The following PTPRS variants were observed in gnomAD, a reference collection of about 807,000 sequenced individuals.
PTPRS encodes the protein protein tyrosine phosphatase receptor type S.
A neutral mutation model predicts 215.3 loss-of-function variants in PTPRS; 63 were observed. The observed-to-expected ratio is 0.29, with a 90% CI of 0.24 to 0.36. The LOEUF (loss-of-function observed/expected upper bound fraction) is 0.36, where lower values mean the gene tolerates loss of function less well. PTPRS is among the 10% of genes least tolerant of loss of function. The pLI is 1.00. For synonymous variants in PTPRS, 1,404 were observed against 1,191.4 expected (o/e 1.18, Z -3.68); for missense variants, 2,258 against 2,825.8 (o/e 0.80, Z 4.56).
At chr19:5,310,887 TTTATTA>T (rs956304702) in intron 1 of PTPRS, among the ~76,000 whole-genome samples, 8 of 151,700 alleles carry the variant, frequency 5.3e-5, no homozygotes, top group Non-Finnish European at 1.0e-4. Context: ...TGTATTTTTA[TTTATTA>T]TTATTATTAT....
chr19:5,269,013 C>A (rs1267942374), intron 4 of PTPRS, among the ~76,000 whole-genome samples: 2 of 152,168 alleles, frequency 1.3e-5, no homozygotes, highest in Non-Finnish European at 2.9e-5. Context: ...CTGATGACAT[C>A]ATCGGAGATG....
intron 18 of PTPRS, among the ~76,000 whole-genome samples, chr19:5,222,452 G>A (rs1463134633): frequency 2.7e-5 from 4 of 148,706 alleles, no homozygotes; most frequent in Non-Finnish European, 6.0e-5. Context: ...GAAGGTGGAG[G>A]AGGAGGAAGA....
At chr19:5,315,306 A>C (rs927216409) in intron 1 of PTPRS, among the ~76,000 whole-genome samples, 7 of 142,084 alleles carry the variant, frequency 4.9e-5, no homozygotes, top group Non-Finnish European at 1.1e-4. Context: ...TGCCACTTAA[A>C]TTGGTCTGAA....
At chr19:5,273,359 G>A (rs779295939) in intron 4 of PTPRS, 83 bp downstream of exon 4, 5 of 1,596,906 alleles carry the variant, frequency 3.1e-6, no homozygotes, top group Admixed American at 1.7e-5. Context: ...AGGGTTTGGG[G>A]TAACTTTCAT....
At chr19:5,312,785 G>C (rs938299019) in intron 1 of PTPRS, among the ~76,000 whole-genome samples, 1 of 152,202 alleles carries the variant, frequency 6.6e-6, no homozygotes. Flanking sequence ...CATTGAATTC[G>C]AATTGTCTCC....
intron 9 of PTPRS, among the ~76,000 whole-genome samples, chr19:5,251,822 A>G (rs2045114522): frequency 6.6e-6 from 1 of 152,180 alleles, no homozygotes; most frequent in African/African-American, 2.4e-5. Flanking sequence ...GCCTGCCCCT[A>G]GGGTTAAGCC....
At position 5,237,651 on chromosome 19, in the gene PTPRS, G is replaced by A. The variant is rs1289743990; in HGVS notation, c.1849+1268C>T. ...TGGGGCAGGCGGGGGGGCACGCGGGGTGGGCCGTTTTTGTGAACCTGCTTG... is the reference window on the plus strand; with the variant it reads ...TGGGGCAGGCGGGGGGGCACGCGGGATGGGCCGTTTTTGTGAACCTGCTTG... On this transcript the variant is annotated intron_variant, in intron 13 of 37. Coordinates refer to ENST00000262963, the MANE Select transcript of PTPRS (RefSeq NM_002850.4). The surrounding 1 kb of genome is among the most constrained non-coding windows in gnomAD (Gnocchi z 4.2). 6.6e-6 allele frequency among the ~76,000 whole-genome samples: 1 copy of A among 152,164 alleles called. No homozygotes were observed. Among genetic ancestry groups the A allele is most frequent in the African/African-American group, 2.4e-5 (1 of 41,436 alleles).
intron 2 of PTPRS, chr19:5,277,873 A>T: frequency 1.0e-6 from 1 of 975,856 alleles, no homozygotes; most frequent in African/African-American, 1.6e-5. Context: ...CAGGGTTCGC[A>T]GAACGTTCAA....
At chr19:5,263,486 T>G (rs546964061) in intron 5 of PTPRS, among the ~76,000 whole-genome samples, 2 of 151,946 alleles carry the variant, frequency 1.3e-5, no homozygotes, top group African/African-American at 2.4e-5. Context: ...GGGGAGGTAC[T>G]GCTGCAAAGG....
At chr19:5,316,916 C>T (rs2049892400) in intron 1 of PTPRS, among the ~76,000 whole-genome samples, 1 of 152,186 alleles carries the variant, frequency 6.6e-6, no homozygotes, top group South Asian at 2.1e-4. Context: ...GGGGACCTGG[C>T]TTCTCCCACG....
Position 5,265,188 on chromosome 19 carries a change from G to C in PTPRS, c.388C>G (p.Leu130Val). The C allele has an allele frequency of 6.2e-7, 1 of 1,613,438 alleles. No individual in the cohort carries two copies. Among genetic ancestry groups the C allele is most frequent in the Admixed American group, 1.7e-5 (1 of 59,952 alleles). The stretch of plus-strand genomic sequence containing the variant: ...TCGATGTTGGGGAAGCCAGAGGGCA[G>C]CTGGTCCTCTGAGGGCAGAGACGTG... ...AKLTVLREDQ[L>V]PSGFPNIDMG... Residue 130 changes from leucine to valine, a missense_variant, in exon 5 of 38, where the codon CTG (leucine) becomes GTG (valine). Leu to Val is a conservative substitution (Grantham distance 32). This residue lies in a region of PTPRS where 508 missense variants were observed against 799.4 expected (regional missense o/e 0.64). Transcript: ENST00000262963.
At chr19:5,216,818 G>C (rs1050961588) in intron 25 of PTPRS, 51 bp from the exon 26 acceptor site, 53 of 1,281,936 alleles carry the variant, frequency 4.1e-5, no homozygotes, top group Admixed American at 1.6e-4. Flanking sequence ...GGTAGGGGGG[G>C]GTCCCACCTC....
Position 5,205,572 on chromosome 19 carries a change from G to A in PTPRS, c.*1202C>T, listed in dbSNP as rs562185218. ...ATACACGGGGGTGGGAAAACCACCC[G>A]GCTGCTTCCGCTGGAATAAACAGTG... On this transcript the variant is annotated 3_prime_UTR_variant, in exon 38 of 38. Transcript: ENST00000262963. 3.7e-4 allele frequency among the ~76,000 whole-genome samples: 57 copies of A among 152,308 alleles called. No homozygotes were observed. The highest frequency in any genetic ancestry group is 7.6e-4 in the Non-Finnish European group (52 of 68,028).
intron 2 of PTPRS, among the ~76,000 whole-genome samples, chr19:5,283,820 C>G (rs548062480): frequency 6.6e-6 from 1 of 152,270 alleles, no homozygotes; most frequent in South Asian, 2.1e-4. Flanking sequence ...CTCTTGTAAT[C>G]CCAGCACTTT....
At chr19:5,230,157 C>T (rs2042897592) in intron 14 of PTPRS, among the ~76,000 whole-genome samples, 1 of 152,216 alleles carries the variant, frequency 6.6e-6, no homozygotes, top group Non-Finnish European at 1.5e-5. Context: ...CCACTTGGCA[C>T]TCAGGATCTT....
rs1490261309 is a variant in PTPRS, at chr19:5,219,324, G to A, written c.3909C>T (p.Ile1303=). 1 of 1,614,088 alleles carries A rather than the reference G, an allele frequency of 6.2e-7. No individual in the cohort carries two copies. Among genetic ancestry groups the A allele is most frequent in the Admixed American group, 1.7e-5 (1 of 60,024 alleles). ...ATGGGGCTTACTTCTTGTAGAGCAG[G>A]ATAGCAATGACAATGCAGATTATGA... ...VVFIICIVIA[I]LLYKNKPDSK... Residue 1303 remains isoleucine, a synonymous_variant, in exon 23 of 38, where the codon ATC becomes ATT. Transcript: ENST00000262963.
chr19:5,284,538 T>C (rs964744859), intron 2 of PTPRS, among the ~76,000 whole-genome samples: 7 of 152,140 alleles, frequency 4.6e-5, no homozygotes, highest in Admixed American at 3.9e-4. Context: ...TTGCCCAGGC[T>C]GAGTGCAGCG....
chr19:5,231,192 TTCC>T, intron 14 of PTPRS, 115 bp downstream of exon 14: 1 of 1,140,916 alleles, frequency 8.8e-7, no homozygotes, highest in African/African-American at 1.6e-5. Flanking sequence ...GCTTCCCGAC[TTCC>T]TCCGAGTGAG....
At position 5,214,654 on chromosome 19, in the gene PTPRS, C is replaced by T. The variant is rs144710133; in HGVS notation, c.4401G>A (p.Pro1467=). The T allele has an allele frequency of 2.6e-4, 415 of 1,613,112 alleles. 1 individual carries two copies. The highest frequency in any genetic ancestry group is 1.1e-3 in the African/African-American group (83 of 75,074). The change falls in exon 29 of 38, where the codon CCG becomes CCA. Residue 1467 remains proline, a synonymous_variant. Coordinates refer to ENST00000262963, the MANE Select transcript of PTPRS (RefSeq NM_002850.4). ...AGAAGTCCCCAAAGGTCTCAGGCAG[C>T]GGCCCCTGCGTGGCAATGTACGCGT... The part of the protein sequence containing the change: ...CQNAYIATQG[P]LPETFGDFWR...
Sources: allele counts gnomAD v4.1 joint callset (sites outside exome capture counted in the v4.1 genomes callset), GRCh38; gene constraint gnomAD v4.1.1; regional missense constraint gnomAD v4.1.1; non-coding constraint Gnocchi (gnomAD v3.1); transcripts MANE v1.5; gene names NCBI Gene and HGNC (gene_info 2026-07-23, HGNC 2026-07-21).